TMEM201: variants seen among roughly 807,000 people sequenced by gnomAD.
The protein encoded by TMEM201 is RP13-15M17.2.
A neutral mutation model predicts 63.4 loss-of-function variants in TMEM201; 26 were observed. The observed-to-expected ratio is 0.41, with a 90% confidence interval of 0.30 to 0.57. The LOEUF (loss-of-function observed/expected upper bound fraction) is 0.57, where lower values mean the gene tolerates loss of function less well. Among genes scored for constraint, TMEM201 ranks in the 20% least tolerant of loss-of-function variants. TMEM201 has a pLI of 0.29. For missense variants in TMEM201, 794 were observed against 917.7 expected, an observed-to-expected ratio of 0.87 and a Z score of 1.74; for synonymous variants, 417 against 421.6, an observed-to-expected ratio of 0.99 and a Z score of 0.14.
chr1:9,604,677 G>GT lies in TMEM201; in HGVS notation c.1160+2406dup. Reference sequence around the variant, plus strand: ...AGCCATCCTCACCCTCAGACTTGAGGTCCCCACCCAGGCCAAGCCGGCCCC... The same window carrying GT: ...AGCCATCCTCACCCTCAGACTTGAGGTTCCCCACCCAGGCCAAGCCGGCCCC... On this transcript the variant is annotated intron_variant, in intron 6 of 10. Coordinates refer to ENST00000340381, the MANE Select transcript of TMEM201 (RefSeq NM_001130924.3). The surrounding 1 kb of genome is among the most constrained non-coding windows in gnomAD (Gnocchi z 4.1). 1 of 985,754 alleles carries GT rather than the reference G, an allele frequency of 1.0e-6. No individual in the cohort carries two copies. Among genetic ancestry groups the GT allele is most frequent in the Non-Finnish European group, 1.2e-6 (1 of 829,964 alleles). The allele number at this position is 985,754 out of a possible 1,614,324, so 61.1% of individuals were successfully genotyped here.
intron 7 of TMEM201, 145 bp from the exon 8 acceptor site, chr1:9,609,695 C>A: frequency 1.3e-6 from 1 of 755,506 alleles, no homozygotes; most frequent in Non-Finnish European, 2.1e-6. Context: ...AGACAGCAGT[C>A]CGAGGAATCC....
rs1009185969 is a variant in TMEM201 at position 9,613,978 on chromosome 1, C to T, written c.*895C>T. The T allele has an allele frequency of 6.6e-6, 1 of 152,322 alleles. No homozygotes were observed. The highest frequency in any genetic ancestry group is 1.5e-5 in the Non-Finnish European group (1 of 68,142). 9.4% of individuals were successfully genotyped at this position (152,322 alleles called of 1,614,324 possible). On this transcript the variant is annotated 3_prime_UTR_variant, in exon 11 of 11. Coordinates refer to ENST00000340381, the MANE Select transcript of TMEM201 (RefSeq NM_001130924.3). ...TCTTCCCCTAGTTCTGCCCAGGAGC[C>T]CCTGAGAACCCCATCTTCCCCTGGT...
chr1:9,601,303 G>A lies in TMEM201; in HGVS notation c.805G>A (p.Glu269Lys), dbSNP rs149568094. ...TGACAATGGCACCACCCCTGGGGCC[G>A]AGGGCTGGCGGCAGTTGCTGGGCCT... ...TPDNGTTPGA[E>K]GWRQLLGLLP... Residue 269 changes from glutamate (E) to lysine (K), a missense_variant, in exon 5 of 11, where the codon GAG becomes AAG. Glu to Lys is a moderately conservative substitution (Grantham distance 56). Coordinates refer to ENST00000340381, the MANE Select transcript of TMEM201 (RefSeq NM_001130924.3). 2.7e-4 allele frequency: 442 copies of A among 1,609,918 alleles called. 3 individuals carry two copies. The South Asian group carries it at 3.1e-3, about 11-fold the overall frequency.
At chr1:9,593,014 G>C (rs1299676058) in intron 1 of TMEM201, among the ~76,000 whole-genome samples, 1 of 152,214 alleles carries the variant, frequency 6.6e-6, no homozygotes, top group Non-Finnish European at 1.5e-5. Flanking sequence ...CACCAACTGT[G>C]GTTTGTCCCA....
In TMEM201 at chr1:9,598,516, C is replaced by T. The variant is rs1450462851; in HGVS notation, c.497C>T (p.Pro166Leu). Residue 166 changes from proline (P) to leucine (L), a missense_variant, in exon 4 of 11, where the codon CCG (proline) becomes CTG (leucine). Physicochemically the swap from Pro to Leu is moderately conservative, Grantham distance 98. Transcript: ENST00000340381. ...GAGCAGATGTACAAGCTGTGCCGGC[C>T]GTGCCAAGCGGCTGTGGAGTACTAC... is the stretch of plus-strand genomic sequence containing the variant. ...HLEQMYKLCR[P>L]CQAAVEYYIK... 6 of 1,613,866 alleles carry T rather than the reference C, an allele frequency of 3.7e-6. No individual in the cohort carries two copies. In the South Asian group the frequency reaches 4.4e-5, roughly 12 times the overall value.
At position 9,590,809 on chromosome 1, in the gene TMEM201, G is replaced by A. The variant is rs181295242; in HGVS notation, c.113+1766G>A. On this transcript the variant is annotated intron_variant, in intron 1 of 10. Coordinates refer to ENST00000340381, the MANE Select transcript of TMEM201 (RefSeq NM_001130924.3). ...GAGGTCATAAATTGGCCACTGTCAC[G>A]ATTCAGAAGCCAGACCAACCTAGCA... 3.5e-3 allele frequency among the ~76,000 whole-genome samples: 536 copies of A among 152,308 alleles called. 1 individual carries two copies. Among genetic ancestry groups the A allele is most frequent in the Non-Finnish European group, 6.0e-3 (410 of 68,036 alleles).
rs767831237 is a variant in TMEM201, at chr1:9,608,872, G to A, written c.1394-968G>A. On this transcript the variant is annotated intron_variant, in intron 7 of 10. Coordinates refer to ENST00000340381, the MANE Select transcript of TMEM201 (RefSeq NM_001130924.3). This position sits in a 1 kb window ranked among gnomAD's most constrained non-coding sequence, Gnocchi z 4.3. ...GCAAGCTTGTCTTGGAGTGTCCGGT[G>A]ACAGATGGGACCCCAGTCTCCATTA... is the stretch of plus-strand genomic sequence containing the variant. Among the ~76,000 whole-genome samples the A allele has an allele frequency of 1.7e-4, 26 of 152,222 alleles. No homozygotes were observed. Among genetic ancestry groups the A allele is most frequent in the Non-Finnish European group, 3.4e-4 (23 of 68,032 alleles).
At chr1:9,611,630 G>A in intron 9 of TMEM201, 123 bp from the exon 10 acceptor site, 1 of 1,304,468 alleles carries the variant, frequency 7.7e-7, no homozygotes, top group Non-Finnish European at 1.1e-6. Flanking sequence ...GTGGATGAGT[G>A]GCTTGGGACA....
rs961927529 is a variant in TMEM201 at position 9,598,377 on chromosome 1, A to G, written c.430-72A>G. ...AAGTGGCAGGTCAGGATCTGATTCCACGTCTGACCTGTAAGATGGAGGCAG... is the reference window on the plus strand; with the variant it reads ...AAGTGGCAGGTCAGGATCTGATTCCGCGTCTGACCTGTAAGATGGAGGCAG... On this transcript the variant is annotated intron_variant, in intron 3 of 10. Transcript: ENST00000340381. 4.6e-6 allele frequency: 7 copies of G among 1,533,864 alleles called. No homozygotes were observed. The African/African-American group carries it at 6.8e-5, about 15-fold the overall frequency.
Position 9,595,912 on chromosome 1 carries a change from G to A in TMEM201, c.136G>A (p.Val46Ile). The stretch of plus-strand genomic sequence containing the variant: ...CAGGATGAAGCCAACGCACACGATG[G>A]TCAACTGCTGGTTCTGCAACCAGGA... ...ARRMKPTHTM[V>I]NCWFCNQDTL... Residue 46 changes from valine to isoleucine, a missense_variant, in exon 2 of 11, where the codon GTC becomes ATC. Transcript: ENST00000340381. The A allele has an allele frequency of 6.2e-7, 1 of 1,613,598 alleles. No homozygotes were observed. Among genetic ancestry groups the A allele is most frequent in the South Asian group, 1.1e-5 (1 of 91,086 alleles).
intron 2 of TMEM201, among the ~76,000 whole-genome samples, chr1:9,596,531 C>G (rs901291070): frequency 4.6e-5 from 7 of 152,188 alleles, no homozygotes; most frequent in African/African-American, 1.7e-4. Flanking sequence ...GTGCTGTCCC[C>G]TGGACTAGAC....
In TMEM201 at chr1:9,611,804, A is replaced by T; in HGVS notation, c.1817A>T (p.Lys606Met). 1 of 1,551,140 alleles carries T rather than the reference A, an allele frequency of 6.4e-7. No individual in the cohort carries two copies. The highest frequency in any genetic ancestry group is 8.7e-7 in the Non-Finnish European group (1 of 1,147,028). ...RGSACSNRSI[K>M]KEDDSSQSST... Reference sequence around the variant, plus strand: ...AGTGCCTGCAGCAACCGCTCCATCAAGAAAGAGGACGACTCTTCCCAGTCA... The same window carrying T: ...AGTGCCTGCAGCAACCGCTCCATCATGAAAGAGGACGACTCTTCCCAGTCA... Residue 606 changes from lysine to methionine, a missense_variant, in exon 10 of 11, where the codon AAG (lysine) becomes ATG (methionine). By Grantham distance (95) the Lys-to-Met change is moderately conservative. Transcript: ENST00000340381.
intron 2 of TMEM201, 78 bp from the exon 3 acceptor site, chr1:9,596,781 G>A (rs1644028035): frequency 6.9e-7 from 1 of 1,444,206 alleles, no homozygotes; most frequent in South Asian, 1.4e-5. Flanking sequence ...CTGGAGCGGG[G>A]CGGGCCCCCA....
At chr1:9,611,690 C>T in intron 9 of TMEM201, 63 bp from the exon 10 acceptor site, 1 of 1,546,594 alleles carries the variant, frequency 6.5e-7, no homozygotes, top group East Asian at 2.4e-5. Flanking sequence ...AGTACAGCTG[C>T]CCCGCGTCTG....
At chr1:9,611,322 C>T (rs1471744851) in intron 9 of TMEM201, among the ~76,000 whole-genome samples, 7 of 152,002 alleles carry the variant, frequency 4.6e-5, no homozygotes, top group Non-Finnish European at 8.8e-5. Flanking sequence ...TTCAGCCTCC[C>T]GAGTAGCTGG....
chr1:9,598,732 G>C, intron 4 of TMEM201, 107 bp downstream of exon 4: 10 of 1,082,230 alleles, frequency 9.2e-6, no homozygotes, highest in Non-Finnish European at 1.2e-5. Flanking sequence ...TCAGAGCTGA[G>C]CCCCTTTATT....
In TMEM201 at chr1:9,596,155, A is replaced by G. The variant is rs909698423; in HGVS notation, c.234+145A>G. ...ACCCTGTCCTCTCCAGGCCCTGAGC[A>G]TGGTGTTTCGTGTACATTGTCTCAC... is the stretch of plus-strand genomic sequence containing the variant. On this transcript the variant is annotated intron_variant, in intron 2 of 10. Coordinates refer to ENST00000340381, the MANE Select transcript of TMEM201 (RefSeq NM_001130924.3). 3.4e-5 allele frequency: 38 copies of G among 1,118,106 alleles called. No homozygotes were observed. In the African/African-American group the frequency reaches 5.4e-4, roughly 16 times the overall value. 69.3% of individuals were successfully genotyped at this position (1,118,106 alleles called of 1,614,324 possible).
Position 9,610,509 on chromosome 1 carries a change from A to G in TMEM201, c.1469A>G (p.Tyr490Cys). 6.6e-7 allele frequency: 1 copy of G among 1,524,936 alleles called. No individual in the cohort carries two copies. The highest frequency in any genetic ancestry group is 8.8e-7 in the Non-Finnish European group (1 of 1,130,512). 94.5% of individuals were successfully genotyped at this position (1,524,936 alleles called of 1,614,324 possible). A position where few individuals can be genotyped will look rare whatever the true frequency, so the allele number is the denominator to read the frequency against. Reference protein sequence around the residue: ...SRSGEFPVSDYFSLLSGSCPS... With the variant: ...SRSGEFPVSDCFSLLSGSCPS... ...TCATCTTCCTCCCTCCCTCCAGATT[A>G]CTTCTCTCTTCTGTCGGGGAGCTGC... Residue 490 changes from tyrosine (Y) to cysteine (C), a missense_variant, in exon 9 of 11, where the codon TAC becomes TGC. Transcript: ENST00000340381. The surrounding 1 kb of genome is among the most constrained non-coding windows in gnomAD (Gnocchi z 4.9).
intron 1 of TMEM201, among the ~76,000 whole-genome samples, chr1:9,595,591 C>T (rs982023520): frequency 5.3e-5 from 8 of 152,088 alleles, no homozygotes; most frequent in Non-Finnish European, 1.2e-4. Flanking sequence ...GCACTGGAGC[C>T]TAGGGATCTG....
Sources: allele counts gnomAD v4.1 joint callset (sites outside exome capture counted in the v4.1 genomes callset), GRCh38; gene constraint gnomAD v4.1.1; non-coding constraint Gnocchi (gnomAD v3.1); transcripts MANE v1.5; gene names NCBI Gene and HGNC (gene_info 2026-07-23, HGNC 2026-07-21).